ARHGEF28: variants seen among roughly 807,000 people sequenced by gnomAD.
ARHGEF28 encodes the protein 190 kDa guanine nucleotide exchange factor.
Under a neutral mutation model 206.6 loss-of-function variants are expected in ARHGEF28, and 152 were observed. That is an observed-to-expected ratio of 0.74 (90% CI 0.64 to 0.84). ARHGEF28 has a LOEUF of 0.84. ARHGEF28 is among the 40% of genes least tolerant of loss of function. The pLI is 0.00. For missense variants in ARHGEF28, 2,028 were observed against 2,073.2 expected, an observed-to-expected ratio of 0.98 and a Z score of 0.42; for synonymous variants, 763 against 776.4, an observed-to-expected ratio of 0.98 and a Z score of 0.29.
intron 2 of ARHGEF28, among the ~76,000 whole-genome samples, chr5:73,702,245 G>A (rs769293361): frequency 3.9e-5 from 6 of 152,072 alleles, no homozygotes; most frequent in African/African-American, 9.7e-5. Context: ...GGTATAGATC[G>A]TTTTTCTTTT....
At chr5:73,794,827 G>A (rs925390746) in intron 8 of ARHGEF28, among the ~76,000 whole-genome samples, 1 of 152,082 alleles carries the variant, frequency 6.6e-6, no homozygotes, top group East Asian at 1.9e-4. Context: ...AGGTGGTCTC[G>A]AACTCGTGAC....
chr5:73,926,826 A>T (rs1763840573), intron 35 of ARHGEF28, among the ~76,000 whole-genome samples: 1 of 152,136 alleles, frequency 6.6e-6, no homozygotes, highest in African/African-American at 2.4e-5. Context: ...TTGTCTGTGT[A>T]TTTCTGCTCT....
intron 10 of ARHGEF28, chr5:73,835,347 G>C (rs1212851954): frequency 6.6e-6 from 1 of 152,040 alleles, no homozygotes; most frequent in Non-Finnish European, 1.5e-5. Flanking sequence ...GCGGGTGCCT[G>C]TAGTCCCAGC....
intron 9 of ARHGEF28, among the ~76,000 whole-genome samples, chr5:73,823,004 A>T (rs1756689583): frequency 6.6e-6 from 1 of 152,138 alleles, no homozygotes; most frequent in African/African-American, 2.4e-5. Context: ...GGTGAAAAGG[A>T]CTTTCTATAA....
In ARHGEF28 at chr5:73,868,095, C is replaced by G; in HGVS notation, c.2298-5C>G. ...GCTAACTTTGCTCCCCTCCCTCTCT[C>G]CTAGCTTCAGGAGGTCAGCCACATC... On this transcript the variant is annotated splice_region_variant and splice_polypyrimidine_tract_variant and intron_variant, in intron 19 of 35. Transcript: ENST00000513042. The G allele has an allele frequency of 3.1e-6, 5 of 1,612,620 alleles. No homozygotes were observed. Among genetic ancestry groups the G allele is most frequent in the Non-Finnish European group, 3.4e-6 (4 of 1,179,300 alleles).
intron 4 of ARHGEF28, among the ~76,000 whole-genome samples, chr5:73,759,114 A>C (rs1473985826): frequency 6.6e-6 from 1 of 151,132 alleles, no homozygotes; most frequent in Non-Finnish European, 1.5e-5. Flanking sequence ...GTCCCCAAAG[A>C]AAACCAATTG....
chr5:73,685,475 C>A (rs536228740), intron 2 of ARHGEF28, among the ~76,000 whole-genome samples: 106 of 152,228 alleles, frequency 7.0e-4, no homozygotes, highest in Middle Eastern at 3.4e-3. Flanking sequence ...TTCCTCCTTC[C>A]TTCTGATTTC....
chr5:73,744,998 C>T (rs1751645806), intron 2 of ARHGEF28, among the ~76,000 whole-genome samples: 1 of 151,984 alleles, frequency 6.6e-6, no homozygotes, highest in African/African-American at 2.4e-5. Context: ...GGTCCTCAAA[C>T]TGTCTGAAAT....
intron 35 of ARHGEF28, among the ~76,000 whole-genome samples, chr5:73,918,397 G>GT (rs143258658): frequency 0.11 from 17,358 of 152,176 alleles, 1,111 homozygotes; most frequent in South Asian, 0.21. Context: ...CTCCACTTAA[G>GT]TGAGGAGTGA....
intron 8 of ARHGEF28, 75 bp from the exon 9 acceptor site, chr5:73,795,256 C>G: frequency 7.2e-7 from 1 of 1,381,784 alleles, no homozygotes; most frequent in Non-Finnish European, 1.0e-6. Flanking sequence ...GGTTGTTTTT[C>G]TAGTTCACAA....
At chr5:73,698,753 C>G (rs559793253) in intron 2 of ARHGEF28, among the ~76,000 whole-genome samples, 61 of 152,110 alleles carry the variant, frequency 4.0e-4, no homozygotes, top group African/African-American at 1.4e-3. Context: ...ACAGGAGAGG[C>G]AAATGGACTG....
intron 35 of ARHGEF28, among the ~76,000 whole-genome samples, chr5:73,928,270 G>A (rs1295604652): frequency 6.6e-6 from 1 of 152,174 alleles, no homozygotes; most frequent in Non-Finnish European, 1.5e-5. Context: ...ACAAAAATTA[G>A]CCAGGCATGG....
At chr5:73,923,100 A>G (rs1480814972) in intron 35 of ARHGEF28, 1 of 1,535,692 alleles carries the variant, frequency 6.5e-7, no homozygotes, top group African/African-American at 1.4e-5. Context: ...CCAGTATGAC[A>G]AAGTGCAGTT....
At chr5:73,674,286 CTG>C (rs1195097453) in intron 1 of ARHGEF28, among the ~76,000 whole-genome samples, 1 of 152,240 alleles carries the variant, frequency 6.6e-6, no homozygotes, top group Non-Finnish European at 1.5e-5. Flanking sequence ...AAGCAAATCA[CTG>C]TCTTTCAGAC....
chr5:73,848,134 TCAG>T (rs1758478860), intron 12 of ARHGEF28, among the ~76,000 whole-genome samples: 2 of 152,308 alleles, frequency 1.3e-5, no homozygotes, highest in East Asian at 3.9e-4. Context: ...ATGGGCAGGA[TCAG>T]TCCTAAGGGC....
chr5:73,833,128 TA>T (rs1342667793), intron 10 of ARHGEF28, among the ~76,000 whole-genome samples: 6 of 152,324 alleles, frequency 3.9e-5, no homozygotes, highest in South Asian at 4.1e-4. Context: ...TTAGTATTTA[TA>T]AAAATTATAG....
intron 1 of ARHGEF28, among the ~76,000 whole-genome samples, chr5:73,655,333 T>A (rs201151853): frequency 6.6e-6 from 1 of 150,520 alleles, no homozygotes; most frequent in Admixed American, 6.7e-5. Flanking sequence ...TGGTAGTTTT[T>A]AATGATTTTT....
At chr5:73,657,714 T>C (rs1285078193) in intron 1 of ARHGEF28, among the ~76,000 whole-genome samples, 1 of 152,226 alleles carries the variant, frequency 6.6e-6, no homozygotes, top group East Asian at 1.9e-4. Flanking sequence ...AACCCTTCTT[T>C]CCTCACTCAT....
chr5:73,673,640 T>C (rs780305061), intron 1 of ARHGEF28, among the ~76,000 whole-genome samples: 2 of 152,134 alleles, frequency 1.3e-5, no homozygotes, highest in Non-Finnish European at 2.9e-5. Flanking sequence ...TCATTTGAAA[T>C]AAATATTCAA....
Sources: allele counts gnomAD v4.1 joint callset (sites outside exome capture counted in the v4.1 genomes callset), GRCh38; gene constraint gnomAD v4.1.1; transcripts MANE v1.5; gene names NCBI Gene and HGNC (gene_info 2026-07-23, HGNC 2026-07-21).